Variants in AASDH observed in about 807,000 individuals in gnomAD.
The protein encoded by AASDH is beta-alanine-activating enzyme.
In AASDH, 81 loss-of-function variants were observed where a neutral mutation model predicts 102.3. The ratio of observed to expected loss-of-function variants is 0.79; its 90% confidence interval spans 0.66 to 0.95. The LOEUF is 0.95. Ranked by LOEUF, AASDH falls within the 40% of genes least tolerant of loss-of-function variation. The pLI is 0.00. For missense variants in AASDH, 1,203 were observed against 1,266.2 expected (o/e 0.95, Z 0.76); for synonymous variants, 398 against 454.0 (o/e 0.88, Z 1.57).
intron 5 of AASDH, among the ~76,000 whole-genome samples, chr4:56,365,477 C>A (rs1750883082): frequency 6.6e-6 from 1 of 152,012 alleles, no homozygotes; most frequent in Admixed American, 6.6e-5. Context: ...AAGTAAAGCA[C>A]TCCTCAGCAA....
At chr4:56,365,245 C>T (rs992206415) in intron 5 of AASDH, among the ~76,000 whole-genome samples, 3 of 152,030 alleles carry the variant, frequency 2.0e-5, no homozygotes, top group Non-Finnish European at 2.9e-5. Flanking sequence ...TACAAAGAGA[C>T]TTAGACTCCC....
At chr4:56,371,976 C>G (rs1428649732) in intron 4 of AASDH, among the ~76,000 whole-genome samples, 1 of 152,176 alleles carries the variant, frequency 6.6e-6, no homozygotes, top group Non-Finnish European at 1.5e-5. Flanking sequence ...AAGGGATATT[C>G]TCTTGAGAGC....
intron 13 of AASDH, among the ~76,000 whole-genome samples, chr4:56,343,209 T>G (rs1201390018): frequency 6.6e-6 from 1 of 152,140 alleles, no homozygotes; most frequent in African/African-American, 2.4e-5. Flanking sequence ...GAGTTATCCC[T>G]GTGATGGACA....
At position 56,361,134 on chromosome 4, in the gene AASDH, G is replaced by A. The variant is rs942121118; in HGVS notation, c.862-5711C>T. On this transcript the variant is annotated intron_variant, in intron 5 of 14. Coordinates refer to ENST00000205214, the MANE Select transcript of AASDH (RefSeq NM_181806.4). ...CAGCAAAATAAAAAAAATGGAGGCC[G>A]AGTGTGGTGACTCACGCCTGTAATC... 1.4e-4 allele frequency among the ~76,000 whole-genome samples: 22 copies of A among 152,134 alleles called. 1 individual carries two copies. Among genetic ancestry groups the A allele is most frequent in the East Asian group, 1.2e-3 (6 of 5,192 alleles).
chr4:56,338,428 C>A lies in AASDH; in HGVS notation c.3271G>T (p.Asp1091Tyr). 6.2e-7 allele frequency: 1 copy of A among 1,613,584 alleles called. No individual in the cohort carries two copies. Among genetic ancestry groups the A allele is most frequent in the Non-Finnish European group, 8.5e-7 (1 of 1,179,818 alleles). ...TATTTTTGATTGCCACCCAATAAAT[C>A]CAGACAATAAACATAATTATCTCTA... ...GCRDNYVYCLDLLGGNQK is the reference protein window; with the variant it reads ...GCRDNYVYCLYLLGGNQK The change falls in exon 15 of 15, where the codon GAT becomes TAT. Residue 1091 changes from aspartate to tyrosine, a missense_variant. Transcript: ENST00000205214.
chr4:56,377,044 G>C (rs1212699530), intron 4 of AASDH, among the ~76,000 whole-genome samples: 1 of 145,022 alleles, frequency 6.9e-6, no homozygotes, highest in Non-Finnish European at 1.5e-5. Context: ...TCCAGCCTGG[G>C]CGACAGAGCG....
At chr4:56,343,001 G>T in intron 13 of AASDH, 35 bp from the exon 14 acceptor site, 1 of 1,522,818 alleles carries the variant, frequency 6.6e-7, no homozygotes, top group Non-Finnish European at 8.8e-7. Flanking sequence ...AGCATTTTAT[G>T]TCATCCTACT....
chr4:56,357,711 T>C (rs1749788909), intron 5 of AASDH, among the ~76,000 whole-genome samples: 1 of 151,406 alleles, frequency 6.6e-6, no homozygotes, highest in Non-Finnish European at 1.5e-5. Context: ...ATAAGTAGCC[T>C]GTTTTGGCCT....
rs577304522 is a variant in AASDH at position 56,342,744 on chromosome 4, T to C, written c.2907+91A>G. On this transcript the variant is annotated intron_variant, in intron 14 of 14. Coordinates refer to ENST00000205214, the MANE Select transcript of AASDH (RefSeq NM_181806.4). ...TAAATTTAAAAAATATAAATAGAAC[T>C]ATAGATATATAAAATTTCTAGTTCT... The C allele has an allele frequency of 4.8e-3, 2,254 of 467,138 alleles. 8 individuals carry two copies. Among genetic ancestry groups the C allele is most frequent in the Non-Finnish European group, 6.0e-3 (1,996 of 333,082 alleles). The allele number at this position is 467,138 out of a possible 1,614,324, so 28.9% of individuals were successfully genotyped here.
At position 56,350,066 on chromosome 4, in the gene AASDH, T is replaced by C; in HGVS notation, c.1693-8A>G. ...TGGGAGATTCAGAGTAGACTACAGATGAGAGAATAGAGAAATATGTGACGT... is the reference window on the plus strand; with the variant it reads ...TGGGAGATTCAGAGTAGACTACAGACGAGAGAATAGAGAAATATGTGACGT... On this transcript the variant is annotated splice_polypyrimidine_tract_variant and splice_region_variant and intron_variant, in intron 10 of 14. Coordinates refer to ENST00000205214, the MANE Select transcript of AASDH (RefSeq NM_181806.4). 6.4e-7 allele frequency: 1 copy of C among 1,559,914 alleles called. No homozygotes were observed.
chr4:56,338,395 T>C lies in AASDH; in HGVS notation c.*7A>G, dbSNP rs748562627. ...ACATTTGTTATACAAATAAGGACTG[T>C]ATTTGATTATTTTTGATTGCCACCC... On this transcript the variant is annotated 3_prime_UTR_variant, in exon 15 of 15. Coordinates refer to ENST00000205214, the MANE Select transcript of AASDH (RefSeq NM_181806.4). The C allele has an allele frequency of 6.2e-7, 1 of 1,611,398 alleles. No homozygotes were observed. The highest frequency in any genetic ancestry group is 8.5e-7 in the Non-Finnish European group (1 of 1,178,134).
chr4:56,348,056 CAGG>C (rs772277901), intron 11 of AASDH, among the ~76,000 whole-genome samples: 64 of 151,340 alleles, frequency 4.2e-4, no homozygotes, highest in Non-Finnish European at 8.4e-4. Flanking sequence ...GGGGCTGAGG[CAGG>C]AGAATCACTT....
At chr4:56,367,290 G>T (rs2109954983) in intron 5 of AASDH, among the ~76,000 whole-genome samples, 1 of 151,164 alleles carries the variant, frequency 6.6e-6, no homozygotes, top group East Asian at 1.9e-4. Flanking sequence ...TGGCCATACT[G>T]CCCAAGGTAA....
intron 5 of AASDH, among the ~76,000 whole-genome samples, chr4:56,369,166 G>A (rs568249854): frequency 6.6e-6 from 1 of 152,120 alleles, no homozygotes; most frequent in South Asian, 2.1e-4. Flanking sequence ...AGAAAAATTT[G>A]ATCCCAAAAA....
chr4:56,338,762 G>T lies in AASDH; in HGVS notation c.2937C>A (p.Ile979=), dbSNP rs1747226460. Residue 979 remains isoleucine (I), a synonymous_variant, in exon 15 of 15, where the codon ATC becomes ATA. Coordinates refer to ENST00000205214, the MANE Select transcript of AASDH (RefSeq NM_181806.4). ...QVWQFSTSGP[I]FSSPCTSPSE... ...ATGGTGAGGTACACGGGGATGAAAA[G>T]ATTGGTCCACTGGTAGAGAACTGCC... 1 of 1,613,936 alleles carries T rather than the reference G, an allele frequency of 6.2e-7. No homozygotes were observed.
intron 5 of AASDH, among the ~76,000 whole-genome samples, chr4:56,363,900 G>C (rs1044813809): frequency 1.4e-4 from 22 of 152,262 alleles, no homozygotes; most frequent in African/African-American, 5.1e-4. Flanking sequence ...GAGAGAAGAA[G>C]GCTCCAGAAG....
intron 5 of AASDH, chr4:56,356,913 T>G: frequency 1.1e-6 from 1 of 913,196 alleles, no homozygotes; most frequent in Non-Finnish European, 1.7e-6. Flanking sequence ...CTAAAGAACC[T>G]GCCACTAAAC....
At chr4:56,372,788 A>G (rs1751896807) in intron 4 of AASDH, among the ~76,000 whole-genome samples, 1 of 152,218 alleles carries the variant, frequency 6.6e-6, no homozygotes, top group Non-Finnish European at 1.5e-5. Flanking sequence ...GAAAAGCATG[A>G]CAAATTTATT....
At chr4:56,343,021 C>T in intron 13 of AASDH, 55 bp from the exon 14 acceptor site, 2 of 1,442,128 alleles carry the variant, frequency 1.4e-6, no homozygotes, top group Non-Finnish European at 1.8e-6. Context: ...TAATCAGTTA[C>T]CCTTTAAAAA....
Sources: allele counts gnomAD v4.1 joint callset (sites outside exome capture counted in the v4.1 genomes callset), GRCh38; gene constraint gnomAD v4.1.1; transcripts MANE v1.5; gene names NCBI Gene and HGNC (gene_info 2026-07-23, HGNC 2026-07-21).